Variants in ADAMTS19 observed in about 807,000 individuals in gnomAD.
ADAMTS19 encodes A disintegrin and metalloproteinase with thrombospondin motifs 19.
A neutral mutation model predicts 153.3 loss-of-function variants in ADAMTS19; 93 were observed. That is an observed-to-expected ratio of 0.61 (90% CI 0.51 to 0.72). The LOEUF is 0.72. ADAMTS19 is among the 30% of genes least tolerant of loss of function. The pLI is 0.00. For missense variants in ADAMTS19, 1,482 were observed against 1,552.1 expected, an observed-to-expected ratio of 0.95 and a Z score of 0.76; for synonymous variants, 600 against 556.6, an observed-to-expected ratio of 1.08 and a Z score of -1.10.
intron 7 of ADAMTS19, among the ~76,000 whole-genome samples, chr5:129,591,635 C>G (rs1036098349): frequency 9.9e-5 from 15 of 152,004 alleles, no homozygotes; most frequent in African/African-American, 3.6e-4. Flanking sequence ...TTTGCACCTT[C>G]ACTGCTTGTC....
At chr5:129,470,608 C>A (rs903749220) in intron 2 of ADAMTS19, among the ~76,000 whole-genome samples, 4 of 152,286 alleles carry the variant, frequency 2.6e-5, no homozygotes, top group Admixed American at 2.0e-4. Context: ...CAGTGCTACA[C>A]AGATATTTTT....
chr5:129,681,936 A>T lies in ADAMTS19; in HGVS notation c.2664+2015A>T, dbSNP rs1206217261. ...TATAATAACAGTATCAACAGCAAAC[A>T]TATGTTTAATGATTGTATTGCATAA... On this transcript the variant is annotated intron_variant, in intron 17 of 22. Transcript: ENST00000274487. Among the ~76,000 whole-genome samples the T allele has an allele frequency of 4.6e-5, 7 of 152,184 alleles. No homozygotes were observed. The East Asian group carries it at 1.2e-3, about 25-fold the overall frequency.
chr5:129,725,635 TTTAGAGA>T (rs1757176538), intron 21 of ADAMTS19, among the ~76,000 whole-genome samples: 1 of 152,008 alleles, frequency 6.6e-6, no homozygotes, highest in Non-Finnish European at 1.5e-5. Context: ...TAATTATTAT[TTTAGAGA>T]GACAGTTAAC....
At chr5:129,703,932 G>A (rs1256368340) in intron 20 of ADAMTS19, among the ~76,000 whole-genome samples, 1 of 152,020 alleles carries the variant, frequency 6.6e-6, no homozygotes, top group African/African-American at 2.4e-5. Flanking sequence ...TCAAATTTTA[G>A]TAATTTTAAT....
intron 15 of ADAMTS19, among the ~76,000 whole-genome samples, chr5:129,663,478 G>A (rs17617954): frequency 0.011 from 1,718 of 152,290 alleles, 21 homozygotes; most frequent in Non-Finnish European, 0.02. Context: ...ACCAAAACTA[G>A]ATGATTTCTC....
At chr5:129,612,817 A>C (rs1489150919) in intron 8 of ADAMTS19, among the ~76,000 whole-genome samples, 3 of 152,020 alleles carry the variant, frequency 2.0e-5, no homozygotes, top group African/African-American at 7.3e-5. Flanking sequence ...AGACACACAT[A>C]GGCTCAAAAT....
At chr5:129,490,929 A>G (rs1033507317) in intron 2 of ADAMTS19, among the ~76,000 whole-genome samples, 1 of 152,116 alleles carries the variant, frequency 6.6e-6, no homozygotes, top group African/African-American at 2.4e-5. Context: ...CATTTGTGCA[A>G]ATATTTTCAG....
chr5:129,493,103 A>G (rs756245986), intron 2 of ADAMTS19, among the ~76,000 whole-genome samples: 1 of 152,174 alleles, frequency 6.6e-6, no homozygotes, highest in African/African-American at 2.4e-5. Context: ...AAGAAGTGTA[A>G]TTTGTGAACC....
chr5:129,504,956 T>C (rs1189973281), intron 2 of ADAMTS19, among the ~76,000 whole-genome samples: 1 of 151,898 alleles, frequency 6.6e-6, no homozygotes, highest in Admixed American at 6.6e-5. Context: ...ATTCCACATA[T>C]CGACTGTTGT....
intron 14 of ADAMTS19, among the ~76,000 whole-genome samples, chr5:129,654,673 A>T (rs1034330986): frequency 6.6e-6 from 1 of 152,132 alleles, no homozygotes; most frequent in Middle Eastern, 3.2e-3. Context: ...AGAATCTGAG[A>T]TTTTGATTGT....
chr5:129,530,438 T>C (rs9285914), intron 6 of ADAMTS19, among the ~76,000 whole-genome samples: 1 of 151,866 alleles, frequency 6.6e-6, no homozygotes, highest in Non-Finnish European at 1.5e-5. Flanking sequence ...AAGAAAAACA[T>C]AAAAATTTCC....
chr5:129,634,534 T>G (rs1018272786), intron 10 of ADAMTS19, among the ~76,000 whole-genome samples: 1 of 152,052 alleles, frequency 6.6e-6, no homozygotes, highest in South Asian at 2.1e-4. Flanking sequence ...CAAACTATAC[T>G]CCAGGGCTAC....
chr5:129,705,513 C>G (rs1055493021), intron 21 of ADAMTS19, among the ~76,000 whole-genome samples: 4 of 152,140 alleles, frequency 2.6e-5, no homozygotes, highest in African/African-American at 7.2e-5. Flanking sequence ...ACTAGACTCT[C>G]TTTCTACTAC....
intron 8 of ADAMTS19, among the ~76,000 whole-genome samples, chr5:129,611,941 A>G (rs1561602322): frequency 6.6e-6 from 1 of 151,966 alleles, no homozygotes; most frequent in Non-Finnish European, 1.5e-5. Flanking sequence ...CTAATATTCA[A>G]CATTCTTAAT....
At chr5:129,628,098 A>G (rs1752133818) in intron 10 of ADAMTS19, among the ~76,000 whole-genome samples, 1 of 152,172 alleles carries the variant, frequency 6.6e-6, no homozygotes, top group Admixed American at 6.6e-5. Flanking sequence ...TGGTACATAT[A>G]CACTATGGAA....
chr5:129,621,680 T>G (rs1181215385), intron 9 of ADAMTS19, among the ~76,000 whole-genome samples: 11 of 152,214 alleles, frequency 7.2e-5, no homozygotes. Flanking sequence ...TATGGCTGCC[T>G]TCACATGAAT....
chr5:129,584,709 C>T (rs1443636992), intron 7 of ADAMTS19, among the ~76,000 whole-genome samples: 3 of 152,178 alleles, frequency 2.0e-5, no homozygotes, highest in Admixed American at 6.5e-5. Flanking sequence ...AGGGGTAAAC[C>T]GCCTACTCAA....
intron 3 of ADAMTS19, among the ~76,000 whole-genome samples, chr5:129,510,538 CA>C (rs1281822738): frequency 6.6e-6 from 1 of 150,402 alleles, no homozygotes; most frequent in Non-Finnish European, 1.5e-5. Flanking sequence ...GTCAGCTGAA[CA>C]AAAAGTGTAG....
At chr5:129,557,045 C>T (rs896188747) in intron 7 of ADAMTS19, among the ~76,000 whole-genome samples, 3 of 151,982 alleles carry the variant, frequency 2.0e-5, no homozygotes, top group African/African-American at 4.8e-5. Context: ...AATAAAGAAA[C>T]GTGGTGATTT....
Sources: gnomAD v4.1 joint callset for allele counts (sites outside exome capture counted in the v4.1 genomes callset) on GRCh38, gnomAD v4.1.1 for gene constraint, MANE v1.5 for transcripts, NCBI Gene and HGNC (gene_info 2026-07-23, HGNC 2026-07-21) for gene names.